PI4KA: variants seen among roughly 807,000 people sequenced by gnomAD.
PI4KA encodes the protein phosphatidylinositol 4-kinase alpha.
PI4KA carries 122 observed loss-of-function variants against 271.4 expected under a neutral mutation model. The observed-to-expected ratio is 0.45, with a 90% CI of 0.39 to 0.52. PI4KA has a LOEUF of 0.52. Among genes scored for constraint, PI4KA ranks in the 20% least tolerant of loss-of-function variants. The probability of loss-of-function intolerance (pLI) is 0.00; values close to 1 mark genes in which losing one functional copy is unlikely to be tolerated. For missense variants in PI4KA, 1,969 were observed against 2,769.1 expected, an observed-to-expected ratio of 0.71 and a Z score of 6.48; for synonymous variants, 1,041 against 1,078.8, an observed-to-expected ratio of 0.96 and a Z score of 0.69.
At chr22:20,856,783 T>C (rs1331605233) in intron 1 of PI4KA, among the ~76,000 whole-genome samples, 3 of 152,216 alleles carry the variant, frequency 2.0e-5, no homozygotes, top group Non-Finnish European at 4.4e-5. Context: ...AAGCTAAGAA[T>C]GTTGCAATTA....
chr22:20,793,143 G>T, intron 19 of PI4KA, 50 bp downstream of exon 19: 2 of 1,084,010 alleles, frequency 1.8e-6, no homozygotes, highest in Non-Finnish European at 1.4e-6. Flanking sequence ...AACACTTAAA[G>T]CATGAACACA....
At chr22:20,777,366 G>T (rs182471316) in intron 19 of PI4KA, among the ~76,000 whole-genome samples, 1 of 151,964 alleles carries the variant, frequency 6.6e-6, no homozygotes, top group East Asian at 1.9e-4. Context: ...ACAGGCATGC[G>T]CCACCACGCC....
chr22:20,716,685 G>A (rs1303730603), intron 45 of PI4KA, among the ~76,000 whole-genome samples: 5 of 152,132 alleles, frequency 3.3e-5, no homozygotes, highest in Admixed American at 2.6e-4. Flanking sequence ...AGGGGCTGGG[G>A]ACTTCTGTGC....
intron 28 of PI4KA, among the ~76,000 whole-genome samples, chr22:20,749,550 C>T (rs2241139): frequency 0.38 from 57,954 of 152,216 alleles, 11,552 homozygotes; most frequent in African/African-American, 0.48. Flanking sequence ...CCTTTGGGCA[C>T]AGGTGCCAGC....
At chr22:20,755,061 T>C (rs1343949764) in intron 23 of PI4KA, among the ~76,000 whole-genome samples, 1 of 152,198 alleles carries the variant, frequency 6.6e-6, no homozygotes, top group African/African-American at 2.4e-5. Context: ...AATGCTAGGA[T>C]TACAGGCATG....
chr22:20,823,157 A>G (rs891150395), intron 4 of PI4KA, among the ~76,000 whole-genome samples: 1 of 151,342 alleles, frequency 6.6e-6, no homozygotes, highest in East Asian at 1.9e-4. Flanking sequence ...CAGGTGATCC[A>G]CCCGCCTCAG....
intron 6 of PI4KA, among the ~76,000 whole-genome samples, chr22:20,819,129 C>A (rs775876765): frequency 1.3e-4 from 20 of 152,084 alleles, no homozygotes; most frequent in Non-Finnish European, 2.2e-4. Flanking sequence ...ATGTTTAGGG[C>A]GAAACGGTGA....
chr22:20,835,062 A>G (rs1453447258), intron 2 of PI4KA, among the ~76,000 whole-genome samples: 1 of 152,132 alleles, frequency 6.6e-6, no homozygotes, highest in Non-Finnish European at 1.5e-5. Context: ...GATGGAGAGA[A>G]GCTCACAATG....
chr22:20,707,964 G>A lies in PI4KA; in HGVS notation c.*83C>T. 2 of 1,196,264 alleles carry A rather than the reference G, an allele frequency of 1.7e-6. No individual in the cohort carries two copies. Among genetic ancestry groups the A allele is most frequent in the Non-Finnish European group, 2.5e-6 (2 of 799,652 alleles). The allele number at this position is 1,196,264 out of a possible 1,614,324, so 74.1% of individuals were successfully genotyped here. The stretch of plus-strand genomic sequence containing the variant: ...GGCCTCTCCTCCACTGCATGTGGCG[G>A]CAGGGCAGGGAGGTCGCAGGGCTCC... On this transcript the variant is annotated 3_prime_UTR_variant, in exon 55 of 55. Coordinates refer to ENST00000255882, the MANE Select transcript of PI4KA (RefSeq NM_058004.4).
At chr22:20,761,727 A>G (rs560787883) in intron 22 of PI4KA, among the ~76,000 whole-genome samples, 46 of 152,348 alleles carry the variant, frequency 3.0e-4, no homozygotes, top group African/African-American at 1.1e-3. Context: ...TCGATGACAC[A>G]TCATGCAGCC....
chr22:20,747,666 G>A lies in PI4KA; in HGVS notation c.3280C>T (p.Leu1094=), dbSNP rs771110190. 6 of 1,613,920 alleles carry A rather than the reference G, an allele frequency of 3.7e-6. No individual in the cohort carries two copies. The highest frequency in any genetic ancestry group is 5.1e-6 in the Non-Finnish European group (6 of 1,179,800). Reference sequence around the variant, plus strand: ...ATGGCCAGCCCCGTGTGCTGGGACAGTCCCGATACCCAGTTCTGATGTTTG... The same window carrying A: ...ATGGCCAGCCCCGTGTGCTGGGACAATCCCGATACCCAGTTCTGATGTTTG... ...LNKHQNWVSG[L]SQHTGLAMAT... The change falls in exon 29 of 55, where the codon CTG becomes TTG. Residue 1094 remains leucine, a synonymous_variant. Transcript: ENST00000255882.
intron 29 of PI4KA, among the ~76,000 whole-genome samples, chr22:20,746,399 G>C (rs957596148): frequency 2.6e-5 from 4 of 152,136 alleles, no homozygotes; most frequent in Non-Finnish European, 5.9e-5. Context: ...AAATAACTTA[G>C]AGAAAACCTA....
chr22:20,734,334 G>T, intron 33 of PI4KA, 61 bp downstream of exon 33: 2 of 1,424,244 alleles, frequency 1.4e-6, no homozygotes, highest in Non-Finnish European at 1.9e-6. Flanking sequence ...CCCACCCCAG[G>T]AACAGTCCTG....
chr22:20,840,512 G>A (rs1374077555), intron 1 of PI4KA, among the ~76,000 whole-genome samples: 1 of 152,190 alleles, frequency 6.6e-6, no homozygotes, highest in Non-Finnish European at 1.5e-5. Flanking sequence ...GATTTTGGAG[G>A]ACAAGAGTGA....
intron 48 of PI4KA, 126 bp from the exon 49 acceptor site, chr22:20,712,923 C>T: frequency 7.1e-7 from 1 of 1,408,474 alleles, no homozygotes; most frequent in Non-Finnish European, 9.6e-7. Flanking sequence ...CACAGCCGAG[C>T]AAGAGTCTGG....
At chr22:20,739,995 G>C (rs1413676113) in intron 32 of PI4KA, among the ~76,000 whole-genome samples, 1 of 148,610 alleles carries the variant, frequency 6.7e-6, no homozygotes, top group Admixed American at 6.7e-5. Context: ...CCACGAGGCG[G>C]AGGTTGCAGT....
At chr22:20,715,442 G>C (rs1294975943) in intron 45 of PI4KA, among the ~76,000 whole-genome samples, 1 of 151,450 alleles carries the variant, frequency 6.6e-6, no homozygotes, top group Non-Finnish European at 1.5e-5. Flanking sequence ...ACTGTCCTTG[G>C]TTCTCCCAGC....
intron 4 of PI4KA, among the ~76,000 whole-genome samples, chr22:20,822,910 T>C (rs904377134): frequency 4.6e-5 from 7 of 152,156 alleles, no homozygotes; most frequent in Non-Finnish European, 8.8e-5. Flanking sequence ...GCAATAGTTT[T>C]TCCATTTTAT....
chr22:20,817,210 G>A (rs141278791), intron 7 of PI4KA, among the ~76,000 whole-genome samples: 355 of 152,160 alleles, frequency 2.3e-3, no homozygotes, highest in Non-Finnish European at 3.8e-3. Flanking sequence ...CACATCTCTC[G>A]AAACTGTCTT....
Sources: allele counts gnomAD v4.1 joint callset (sites outside exome capture counted in the v4.1 genomes callset), GRCh38; gene constraint gnomAD v4.1.1; transcripts MANE v1.5; gene names NCBI Gene and HGNC (gene_info 2026-07-23, HGNC 2026-07-21).